The following INPP5D variants were observed in gnomAD, a reference collection of about 807,000 sequenced individuals.
INPP5D encodes the protein phosphatidylinositol 3,4,5-trisphosphate 5-phosphatase 1.
A neutral mutation model predicts 122.9 loss-of-function variants in INPP5D; 33 were observed. The ratio of observed to expected loss-of-function variants is 0.27; its 90% CI spans 0.20 to 0.36. The LOEUF (loss-of-function observed/expected upper bound fraction) is 0.36, where lower values mean the gene tolerates loss of function less well. Among genes scored for constraint, INPP5D ranks in the 10% least tolerant of loss-of-function variants. The probability of loss-of-function intolerance (pLI) is 1.00; values close to 1 mark genes in which losing one functional copy is unlikely to be tolerated. For missense variants in INPP5D, 1,053 were observed against 1,412.7 expected (o/e 0.75, Z 4.08); for synonymous variants, 584 against 576.2 (o/e 1.01, Z -0.19).
chr2:233,101,727 A>T (rs994987429), intron 2 of INPP5D, among the ~76,000 whole-genome samples: 8 of 146,108 alleles, frequency 5.5e-5, no homozygotes, highest in South Asian at 2.1e-4. Context: ...TATTATATAT[A>T]ATATAAATAT....
chr2:233,110,974 T>TA lies in INPP5D; in HGVS notation c.199-11126dup, dbSNP rs578079891. ...AAAACTGTTGCTTCGACAGTTATTT[T>TA]AAAAAAAGATAATTTGACTTATAGA... On this transcript the variant is annotated intron_variant, in intron 2 of 26. Transcript: ENST00000445964. Among the ~76,000 whole-genome samples the TA allele has an allele frequency of 1.3e-3, 197 of 152,204 alleles. 1 individual carries two copies. The highest frequency in any genetic ancestry group is 4.5e-3 in the African/African-American group (187 of 41,502).
chr2:233,204,431 G>A lies in INPP5D; in HGVS notation c.3281G>A (p.Gly1094Asp), dbSNP rs201530779. ...TTCACGTGCTCATCCTCTGCCGAGG[G>A]CAGGGCGGCCGGCGGGGACAAGAGC... ...RSFTCSSSAE[G>D]RAAGGDKSQG... The change falls in exon 26 of 27, where the codon GGC becomes GAC. Residue 1094 changes from glycine to aspartate, a missense_variant. Coordinates refer to ENST00000445964, the MANE Select transcript of INPP5D (RefSeq NM_001017915.3). 8.3e-5 allele frequency: 134 copies of A among 1,606,286 alleles called. No individual in the cohort carries two copies. The African/African-American group carries it at 1.6e-3, about 20-fold the overall frequency.
intron 2 of INPP5D, among the ~76,000 whole-genome samples, chr2:233,113,946 G>C (rs190170046): frequency 7.6e-6 from 1 of 130,928 alleles, no homozygotes; most frequent in Non-Finnish European, 1.5e-5. Context: ...TCGCTCTGTC[G>C]CCCAGGCTGG....
At position 233,206,700 on chromosome 2, in the gene INPP5D, C is replaced by T. The variant is rs1372570585; in HGVS notation, c.3568-6C>T. 1.3e-6 allele frequency: 1 copy of T among 773,256 alleles called. No individual in the cohort carries two copies. The allele number at this position is 773,256 out of a possible 1,614,324, so 47.9% of individuals were successfully genotyped here. A position where few individuals can be genotyped will look rare whatever the true frequency, so the allele number is the denominator to read the frequency against. On this transcript the variant is annotated splice_region_variant and splice_polypyrimidine_tract_variant and intron_variant, in intron 26 of 26. Transcript: ENST00000445964. The surrounding 1 kb of genome is among the most constrained non-coding windows in gnomAD (Gnocchi z 4.0). The stretch of plus-strand genomic sequence containing the variant: ...CCCTGACAGCCCTTCTGTTCTTGTC[C>T]CACAGTGAAGCCCTCAGTGAGCTGC...
intron 1 of INPP5D, 83 bp downstream of exon 1, chr2:233,060,695 A>AGATCACTC: frequency 6.4e-7 from 1 of 1,555,792 alleles, no homozygotes; most frequent in Non-Finnish European, 8.8e-7. Context: ...GGTTGTTCTT[A>AGATCACTC]TGTCACAGGA....
chr2:233,086,232 G>A (rs1171829310), intron 2 of INPP5D, among the ~76,000 whole-genome samples: 1 of 147,176 alleles, frequency 6.8e-6, no homozygotes, highest in African/African-American at 2.5e-5. Context: ...AGGGTGGAGG[G>A]CAATGGCATG....
chr2:233,171,205 G>A, intron 17 of INPP5D, 53 bp downstream of exon 17: 2 of 1,591,276 alleles, frequency 1.3e-6, no homozygotes, highest in Non-Finnish European at 1.7e-6. Context: ...CCCCGCTGGT[G>A]TCTGTTCCCA....
At chr2:233,135,589 T>A (rs998189178) in intron 5 of INPP5D, among the ~76,000 whole-genome samples, 1 of 150,948 alleles carries the variant, frequency 6.6e-6, no homozygotes, top group East Asian at 1.9e-4. Flanking sequence ...ACATTTAAAA[T>A]GTTAAATATT....
At position 233,130,507 on chromosome 2, in the gene INPP5D, G is replaced by A; in HGVS notation, c.525-1G>A. The A allele has an allele frequency of 6.2e-7, 1 of 1,612,172 alleles. No individual in the cohort carries two copies. ...GTTTGTTTCTTTTTTCTTTTCTTTA[G>A]GCTTCCAGAAGAGCATCTTAAGGCC... On this transcript the variant is annotated splice_acceptor_variant, in intron 4 of 26. Transcript: ENST00000445964. LOFTEE classifies it high-confidence loss of function.
chr2:233,161,932 T>C lies in INPP5D; in HGVS notation c.1240+106T>C, dbSNP rs1400124676. 9 of 1,471,686 alleles carry C rather than the reference T, an allele frequency of 6.1e-6. No individual in the cohort carries two copies. In the East Asian group the frequency reaches 2.3e-4, roughly 37 times the overall value. The allele number at this position is 1,471,686 out of a possible 1,614,324, so 91.2% of individuals were successfully genotyped here. ...GTGACGACATCCATGTCCCCTTCCT[T>C]CCTGCCCCAGGGCCCTGCCCCTAAG... On this transcript the variant is annotated intron_variant, in intron 11 of 26. Coordinates refer to ENST00000445964, the MANE Select transcript of INPP5D (RefSeq NM_001017915.3).
chr2:233,108,859 G>C (rs1314729975), intron 2 of INPP5D, among the ~76,000 whole-genome samples: 1 of 152,194 alleles, frequency 6.6e-6, no homozygotes, highest in East Asian at 1.9e-4. Context: ...CCCAGCCTAG[G>C]GCTCTGTGCC....
At chr2:233,184,103 T>G (rs1395536434) in intron 19 of INPP5D, among the ~76,000 whole-genome samples, 9 of 152,140 alleles carry the variant, frequency 5.9e-5, no homozygotes, top group African/African-American at 2.2e-4. Flanking sequence ...GCTGGGAGCC[T>G]GAAATAGTGG....
At chr2:233,103,223 T>A (rs75042535) in intron 2 of INPP5D, among the ~76,000 whole-genome samples, 6,244 of 152,304 alleles carry the variant, frequency 0.041, 180 homozygotes, top group African/African-American at 0.076. Flanking sequence ...CCAGGTTCCC[T>A]GCAAATCTCT....
chr2:233,204,807 T>G, intron 26 of INPP5D, 90 bp downstream of exon 26: 1 of 1,422,266 alleles, frequency 7.0e-7, no homozygotes, highest in Non-Finnish European at 9.2e-7. Flanking sequence ...TGTGTGTGCA[T>G]GTGTGTGTGC....
intron 18 of INPP5D, among the ~76,000 whole-genome samples, chr2:233,180,465 C>G (rs1694754969): frequency 1.3e-5 from 2 of 152,184 alleles, no homozygotes; most frequent in African/African-American, 2.4e-5. Flanking sequence ...TGACTCCCCA[C>G]CTCCATCCTC....
intron 1 of INPP5D, among the ~76,000 whole-genome samples, chr2:233,063,585 G>A (rs962677660): frequency 1.3e-5 from 2 of 152,336 alleles, no homozygotes; most frequent in African/African-American, 2.4e-5. Flanking sequence ...CACATTCTGC[G>A]CACACCCAGC....
At position 233,105,877 on chromosome 2, in the gene INPP5D, G is replaced by A. The variant is rs1355215104; in HGVS notation, c.199-16230G>A. ...GAGATGGTGGGGTCCAAAGAGGCCC[G>A]AAGGCCTGCACAGGGGATGAGATGA... is the stretch of plus-strand genomic sequence containing the variant. On this transcript the variant is annotated intron_variant, in intron 2 of 26. Transcript: ENST00000445964. This position sits in a 1 kb window ranked among gnomAD's most constrained non-coding sequence, Gnocchi z 4.0. 6.6e-6 allele frequency among the ~76,000 whole-genome samples: 1 copy of A among 152,152 alleles called. No homozygotes were observed. The highest frequency in any genetic ancestry group is 1.5e-5 in the Non-Finnish European group (1 of 68,022).
At position 233,161,846 on chromosome 2, in the gene INPP5D, C is replaced by T; in HGVS notation, c.1240+20C>T. 6.2e-7 allele frequency: 1 copy of T among 1,605,208 alleles called. No individual in the cohort carries two copies. The highest frequency in any genetic ancestry group is 8.5e-7 in the Non-Finnish European group (1 of 1,175,504). ...ACATGGGTGGGTCCGCGCGCCCCCT[C>T]CCTGCAGTCACCCCCTCTGCTTCTG... On this transcript the variant is annotated intron_variant, in intron 11 of 26. Coordinates refer to ENST00000445964, the MANE Select transcript of INPP5D (RefSeq NM_001017915.3).
intron 1 of INPP5D, among the ~76,000 whole-genome samples, chr2:233,074,629 T>C (rs1331331718): frequency 6.6e-6 from 1 of 152,144 alleles, no homozygotes; most frequent in Non-Finnish European, 1.5e-5. Flanking sequence ...TGTGTTTTTT[T>C]TTTGAACGCA....
Sources: allele counts gnomAD v4.1 joint callset (sites outside exome capture counted in the v4.1 genomes callset), GRCh38; gene constraint gnomAD v4.1.1; non-coding constraint Gnocchi (gnomAD v3.1); transcripts MANE v1.5; gene names NCBI Gene and HGNC (gene_info 2026-07-23, HGNC 2026-07-21).